The following TMEM8B variants were observed in gnomAD, a reference collection of about 807,000 sequenced individuals.
TMEM8B encodes the protein nasopharyngeal carcinoma expressed 6.
Under a neutral mutation model 49.3 loss-of-function variants are expected in TMEM8B, and 29 were observed. The ratio of observed to expected loss-of-function variants is 0.59; its 90% CI spans 0.44 to 0.80. TMEM8B has a LOEUF of 0.80. Ranked by LOEUF, TMEM8B falls within the 30% of genes least tolerant of loss-of-function variation. The pLI is 0.00. For synonymous variants in TMEM8B, 264 were observed against 272.8 expected (o/e 0.97, Z 0.32); for missense variants, 575 against 658.5 (o/e 0.87, Z 1.39).
chr9:35,840,334 A>G (rs1285696688), intron 3 of TMEM8B, among the ~76,000 whole-genome samples: 1 of 152,168 alleles, frequency 6.6e-6, no homozygotes, highest in Non-Finnish European at 1.5e-5. Context: ...AGGGGCATCA[A>G]AGATGACAGG....
In TMEM8B at chr9:35,829,406, C is replaced by G. The variant is rs914280110; in HGVS notation, c.-42C>G. 1.7e-3 allele frequency: 578 copies of G among 344,408 alleles called. 1 individual carries two copies. Among genetic ancestry groups the G allele is most frequent in the Non-Finnish European group, 2.0e-3 (390 of 191,990 alleles). The allele number at this position is 344,408 out of a possible 1,614,324, so 21.3% of individuals were successfully genotyped here. ...CGGAGCCGCGGGCCAGCTCTGCGAG[C>G]GCCCCGCGCTGGCCTGTCCGGCCCC... On this transcript the variant is annotated 5_prime_UTR_variant, in exon 1 of 13. Coordinates refer to ENST00000643932, the MANE Select transcript of TMEM8B (RefSeq NM_001042590.4).
In TMEM8B at chr9:35,858,417, A is replaced by T. The variant is rs1832590874; in HGVS notation, c.*4577A>T. The T allele has an allele frequency of 6.6e-6, 1 of 152,166 alleles. No homozygotes were observed. Among genetic ancestry groups the T allele is most frequent in the African/African-American group, 2.4e-5 (1 of 41,390 alleles). 9.4% of individuals were successfully genotyped at this position (152,166 alleles called of 1,614,324 possible). ...ACTTTTGCCTTCCAAATCACATGCAAACTTCTCTGTGGCCAACCCTAACCC... is the reference window on the plus strand; with the variant it reads ...ACTTTTGCCTTCCAAATCACATGCATACTTCTCTGTGGCCAACCCTAACCC... On this transcript the variant is annotated 3_prime_UTR_variant, in exon 13 of 13. Transcript: ENST00000643932.
At chr9:35,848,711 G>A (rs1488746433) in intron 10 of TMEM8B, among the ~76,000 whole-genome samples, 1 of 134,324 alleles carries the variant, frequency 7.4e-6, no homozygotes, top group African/African-American at 2.8e-5. Context: ...GTCTTGCTGT[G>A]TTGCCCAGGC....
intron 3 of TMEM8B, among the ~76,000 whole-genome samples, chr9:35,839,581 T>A (rs1830771634): frequency 6.6e-6 from 1 of 152,230 alleles, no homozygotes; most frequent in South Asian, 2.1e-4. Flanking sequence ...TGATCTTTCA[T>A]TGAATCAAAC....
rs551103265 is a variant in TMEM8B at position 35,834,092 on chromosome 9, T to A, written c.509-369T>A. Among the ~76,000 whole-genome samples, 58 of 151,424 alleles carry A rather than the reference T, an allele frequency of 3.8e-4. 1 individual carries two copies. Among genetic ancestry groups the A allele is most frequent in the African/African-American group, 1.3e-3 (55 of 41,230 alleles). On this transcript the variant is annotated intron_variant, in intron 1 of 12. Coordinates refer to ENST00000643932, the MANE Select transcript of TMEM8B (RefSeq NM_001042590.4). The stretch of plus-strand genomic sequence containing the variant: ...CACACCTTCCACACATCTGTTTTTT[T>A]TAGGTTTGGTAAGTGGAGAAAATGG...
chr9:35,832,895 G>A (rs144693160), intron 1 of TMEM8B, among the ~76,000 whole-genome samples: 2 of 152,218 alleles, frequency 1.3e-5, no homozygotes, highest in African/African-American at 2.4e-5. Context: ...TATCCCTCTC[G>A]GCTGCATCTC....
chr9:35,845,260 A>G, intron 6 of TMEM8B: 1 of 352,100 alleles, frequency 2.8e-6, no homozygotes, highest in Non-Finnish European at 4.0e-6. Flanking sequence ...GGAAGGCAGT[A>G]TCAAATATAT....
rs1410505869 is a variant in TMEM8B, at chr9:35,829,403, G to A, written c.-45G>A. On this transcript the variant is annotated 5_prime_UTR_variant, in exon 1 of 13. Transcript: ENST00000643932. ...GAGCGGAGCCGCGGGCCAGCTCTGC[G>A]AGCGCCCCGCGCTGGCCTGTCCGGC... 539 of 338,768 alleles carry A rather than the reference G, an allele frequency of 1.6e-3. 3 individuals are homozygous for A. The highest frequency in any genetic ancestry group is 2.2e-3 in the Admixed American group (45 of 20,528). The allele number at this position is 338,768 out of a possible 1,614,324, so 21.0% of individuals were successfully genotyped here. A position where few individuals can be genotyped will look rare whatever the true frequency, so the allele number is the denominator to read the frequency against.
chr9:35,846,781 C>G, intron 9 of TMEM8B, 36 bp from the exon 10 acceptor site: 1 of 1,591,390 alleles, frequency 6.3e-7, no homozygotes, highest in Non-Finnish European at 8.6e-7. Flanking sequence ...TAGCTGCCGT[C>G]TGTTCTCTTC....
At chr9:35,838,153 A>G (rs1254481977) in intron 3 of TMEM8B, among the ~76,000 whole-genome samples, 3 of 152,108 alleles carry the variant, frequency 2.0e-5, no homozygotes, top group Non-Finnish European at 4.4e-5. Context: ...CTCCTCCTAC[A>G]TTAGTTTATT....
At position 35,847,068 on chromosome 9, in the gene TMEM8B, A is replaced by G. The variant is rs1831670773; in HGVS notation, c.2175+73A>G. 5 of 1,614,112 alleles carry G rather than the reference A, an allele frequency of 3.1e-6. No homozygotes were observed. The South Asian group carries it at 5.5e-5, about 18-fold the overall frequency. ...GTGGGTCACAGTCTGTATTTCCACC[A>G]CGTTCTCCGAGGGTTTGGGAATGTC... is the stretch of plus-strand genomic sequence containing the variant. On this transcript the variant is annotated intron_variant, in intron 10 of 12. Coordinates refer to ENST00000643932, the MANE Select transcript of TMEM8B (RefSeq NM_001042590.4).
At chr9:35,847,025 G>T in intron 10 of TMEM8B, 30 bp downstream of exon 10, 1 of 1,614,198 alleles carries the variant, frequency 6.2e-7, no homozygotes, top group Non-Finnish European at 8.5e-7. Flanking sequence ...TCTTATCACT[G>T]GGTGCTTGTG....
Position 35,846,350 on chromosome 9 carries a change from G to T in TMEM8B, c.1822G>T (p.Ala608Ser). ...PFPQTGTWFL[A>S]LRSLCGVGPR... is the part of the protein sequence containing the mutation. ...CCCGCAGACGGGGACCTGGTTCCTG[G>T]CCCTCCGCTCCCTGTGCGGGGTGGG... Residue 608 changes from alanine (A) to serine (S), a missense_variant, in exon 8 of 13, where the codon GCC becomes TCC. Transcript: ENST00000643932. 2 of 1,613,944 alleles carry T rather than the reference G, an allele frequency of 1.2e-6. No homozygotes were observed. The highest frequency in any genetic ancestry group is 1.1e-5 in the South Asian group (1 of 91,078).
chr9:35,834,482 A>T lies in TMEM8B; in HGVS notation c.530A>T (p.Tyr177Phe), dbSNP rs1233638963. ...PGAGGLFLTD[Y>F]STCSPRKLSP... ...CCAGGAGGCCTTTTCCTGACTGATT[A>T]CTCCACCTGCTCACCCCGCAAGCTG... Residue 177 changes from tyrosine (Y) to phenylalanine (F), a missense_variant, in exon 2 of 13, where the codon TAC (tyrosine) becomes TTC (phenylalanine). Coordinates refer to ENST00000643932, the MANE Select transcript of TMEM8B (RefSeq NM_001042590.4). The T allele has an allele frequency of 2.4e-6, 1 of 415,362 alleles. No homozygotes were observed. The highest frequency in any genetic ancestry group is 4.4e-6 in the Non-Finnish European group (1 of 226,490). The allele number at this position is 415,362 out of a possible 1,614,324, so 25.7% of individuals were successfully genotyped here. A position where few individuals can be genotyped will look rare whatever the true frequency, so the allele number is the denominator to read the frequency against.
At chr9:35,837,258 G>A (rs1588134982) in intron 3 of TMEM8B, among the ~76,000 whole-genome samples, 1 of 152,176 alleles carries the variant, frequency 6.6e-6, no homozygotes, top group East Asian at 1.9e-4. Context: ...TTTAGTACCT[G>A]CTTTGTGCCA....
At chr9:35,832,168 GGTGTGTGTGTGTGTGT>G (rs34044138) in intron 1 of TMEM8B, among the ~76,000 whole-genome samples, 5 of 146,844 alleles carry the variant, frequency 3.4e-5, no homozygotes, top group Admixed American at 1.4e-4. Flanking sequence ...TAGGTGTAGG[GGTGTGTGTGTGTGTGT>G]GTGTGTGTGT....
intron 10 of TMEM8B, among the ~76,000 whole-genome samples, chr9:35,849,923 A>T (rs1831985848): frequency 6.6e-6 from 1 of 152,266 alleles, no homozygotes; most frequent in African/African-American, 2.4e-5. Context: ...ATTAGATCTC[A>T]GAAGACCCAG....
Position 35,842,772 on chromosome 9 carries a change from G to A in TMEM8B, c.1635+55G>A. The A allele has an allele frequency of 6.5e-7, 1 of 1,529,046 alleles. No individual in the cohort carries two copies. The highest frequency in any genetic ancestry group is 8.8e-7 in the Non-Finnish European group (1 of 1,135,194). 94.7% of individuals were successfully genotyped at this position (1,529,046 alleles called of 1,614,324 possible). A position where few individuals can be genotyped will look rare whatever the true frequency, so the allele number is the denominator to read the frequency against. On this transcript the variant is annotated intron_variant, in intron 6 of 12. Transcript: ENST00000643932. This position sits in a 1 kb window ranked among gnomAD's most constrained non-coding sequence, Gnocchi z 5.6. Reference sequence around the variant, plus strand: ...TCTGCCAGGGAGCTTGAAGGGGAAGGTGTCAGGGGTGTTGGGGTGTTTACC... The same window carrying A: ...TCTGCCAGGGAGCTTGAAGGGGAAGATGTCAGGGGTGTTGGGGTGTTTACC...
chr9:35,853,640 T>G lies in TMEM8B; in HGVS notation c.2575T>G (p.Phe859Val). 1.9e-6 allele frequency: 3 copies of G among 1,614,240 alleles called. No homozygotes were observed. Among genetic ancestry groups the G allele is most frequent in the Non-Finnish European group, 2.5e-6 (3 of 1,180,028 alleles). ...YAFVETRDNY[F>V]YIHSIWHMLI... is the part of the protein sequence containing the mutation. Reference sequence around the variant, plus strand: ...TTTTGTGGAGACCCGGGACAACTACTTCTACATTCACAGCATTTGGCATAT... The same window carrying G: ...TTTTGTGGAGACCCGGGACAACTACGTCTACATTCACAGCATTTGGCATAT... The change falls in exon 13 of 13, where the codon TTC becomes GTC. Residue 859 changes from phenylalanine to valine, a missense_variant. By Grantham distance (50) the Phe-to-Val change is conservative (BLOSUM62 -1). Coordinates refer to ENST00000643932, the MANE Select transcript of TMEM8B (RefSeq NM_001042590.4). This position sits in a 1 kb window ranked among gnomAD's most constrained non-coding sequence, Gnocchi z 4.2.
Sources: allele counts gnomAD v4.1 joint callset (sites outside exome capture counted in the v4.1 genomes callset), GRCh38; gene constraint gnomAD v4.1.1; non-coding constraint Gnocchi (gnomAD v3.1); transcripts MANE v1.5; gene names NCBI Gene and HGNC (gene_info 2026-07-23, HGNC 2026-07-21).